Variants in PPP4R2 observed in about 807,000 individuals in gnomAD.
PPP4R2 encodes serine/threonine-protein phosphatase 4 regulatory subunit 2.
A neutral mutation model predicts 47.2 loss-of-function variants in PPP4R2; 13 were observed. The observed-to-expected ratio is 0.28, with a 90% confidence interval of 0.18 to 0.44. The LOEUF is 0.44. PPP4R2 is among the 20% of genes least tolerant of loss of function. The pLI, the probability that PPP4R2 is intolerant of heterozygous loss-of-function variation, is 1.00. For synonymous variants in PPP4R2, 151 were observed against 163.3 expected, an observed-to-expected ratio of 0.92 and a Z score of 0.57; for missense variants, 421 against 491.2, an observed-to-expected ratio of 0.86 and a Z score of 1.35.
In PPP4R2 at chr3:73,032,578, T is replaced by C. The variant is rs543645273; in HGVS notation, c.117-14608T>C. 7.2e-5 allele frequency among the ~76,000 whole-genome samples: 11 copies of C among 152,302 alleles called. No homozygotes were observed. The East Asian group carries it at 7.7e-4, about 11-fold the overall frequency. ...CTGGGATTACAGGCGTGAGCCACCG[T>C]GCCCAGCCTACCTTCCTATTTCTAA... On this transcript the variant is annotated intron_variant, in intron 2 of 8. Transcript: ENST00000356692.
Position 73,005,849 on chromosome 3 carries a change from A to T in PPP4R2, c.116+7691A>T, listed in dbSNP as rs1049645505. ...CTCTGTCTGCAAAAAAAAAAAAATCAGTGTTATTGAGGTATAATTGACATA... is the reference window on the plus strand; with the variant it reads ...CTCTGTCTGCAAAAAAAAAAAAATCTGTGTTATTGAGGTATAATTGACATA... On this transcript the variant is annotated intron_variant, in intron 2 of 8. Coordinates refer to ENST00000356692, the MANE Select transcript of PPP4R2 (RefSeq NM_174907.4). Among the ~76,000 whole-genome samples the T allele has an allele frequency of 1.3e-5, 2 of 151,916 alleles. 1 individual carries two copies. The highest frequency in any genetic ancestry group is 2.9e-5 in the Non-Finnish European group (2 of 67,990).
intron 2 of PPP4R2, among the ~76,000 whole-genome samples, chr3:73,016,555 T>G (rs1263148501): frequency 2.6e-5 from 4 of 152,032 alleles, no homozygotes; most frequent in African/African-American, 9.7e-5. Context: ...CCTCTGAAAT[T>G]TAAAAAAATG....
At chr3:73,023,175 CTTTT>C (rs1701994504) in intron 2 of PPP4R2, among the ~76,000 whole-genome samples, 1 of 120,756 alleles carries the variant, frequency 8.3e-6, no homozygotes, top group African/African-American at 3.4e-5. Flanking sequence ...GGTTTCTTTT[CTTTT>C]CCTTTTTTTT....
In PPP4R2 at chr3:73,065,966, G is replaced by C. The variant is rs1289941676; in HGVS notation, c.*244G>C. The C allele has an allele frequency of 7.1e-6, 2 of 281,976 alleles. No homozygotes were observed. The highest frequency in any genetic ancestry group is 5.2e-5 in the Admixed American group (1 of 19,152). The allele number at this position is 281,976 out of a possible 1,614,324, so 17.5% of individuals were successfully genotyped here. ...CTTTTTTTGGTCTGGGCAAATCAGTGGTTTGTGTATAGATTTTTTTTTTTT... is the reference window on the plus strand; with the variant it reads ...CTTTTTTTGGTCTGGGCAAATCAGTCGTTTGTGTATAGATTTTTTTTTTTT... On this transcript the variant is annotated 3_prime_UTR_variant, in exon 9 of 9. Coordinates refer to ENST00000356692, the MANE Select transcript of PPP4R2 (RefSeq NM_174907.4).
At chr3:73,021,377 A>G (rs1701957276) in intron 2 of PPP4R2, among the ~76,000 whole-genome samples, 1 of 151,580 alleles carries the variant, frequency 6.6e-6, no homozygotes, top group African/African-American at 2.4e-5. Context: ...GGGACTACAG[A>G]TTTGCAACAC....
intron 2 of PPP4R2, among the ~76,000 whole-genome samples, chr3:73,021,889 C>CATAT (rs143996790): frequency 4.3e-3 from 168 of 38,772 alleles, no homozygotes; most frequent in East Asian, 0.038. Flanking sequence ...TGTATATATG[C>CATAT]ATATATATAT....
At chr3:73,036,156 A>T (rs1702257074) in intron 2 of PPP4R2, among the ~76,000 whole-genome samples, 1 of 152,198 alleles carries the variant, frequency 6.6e-6, no homozygotes, top group Non-Finnish European at 1.5e-5. Flanking sequence ...AGAAAGACAA[A>T]TATCACATGT....
intron 2 of PPP4R2, among the ~76,000 whole-genome samples, chr3:73,013,370 T>C (rs1040606871): frequency 1.3e-5 from 2 of 152,232 alleles, no homozygotes; most frequent in African/African-American, 2.4e-5. Context: ...GCATTTTGAG[T>C]GTAATGGATC....
intron 5 of PPP4R2, chr3:73,062,773 T>A (rs766689540): frequency 3.1e-6 from 5 of 1,613,810 alleles, no homozygotes; most frequent in Non-Finnish European, 4.2e-6. Context: ...GCTGATCTGC[T>A]AATCAGCTGC....
intron 2 of PPP4R2, among the ~76,000 whole-genome samples, chr3:72,999,871 G>A (rs923608589): frequency 1.3e-5 from 2 of 152,144 alleles, no homozygotes; most frequent in Non-Finnish European, 2.9e-5. Flanking sequence ...ATTTTATTAT[G>A]TAAATAGCAG....
chr3:73,057,545 G>A (rs1702752333), intron 3 of PPP4R2, among the ~76,000 whole-genome samples: 1 of 152,024 alleles, frequency 6.6e-6, no homozygotes, highest in African/African-American at 2.4e-5. Flanking sequence ...TCACTTTTAG[G>A]TTTGGATTCG....
rs1702118654 is a variant in PPP4R2 at position 73,028,919 on chromosome 3, C to T, written c.117-18267C>T. Among the ~76,000 whole-genome samples the T allele has an allele frequency of 2.6e-5, 4 of 152,102 alleles. No individual in the cohort carries two copies. In the South Asian group the frequency reaches 8.3e-4, roughly 32 times the overall value. ...TGTGGAGCACTGTAAAGGCTTTGGCCTTTGAGTGAAATCCAGAGCCGTCGC... is the reference window on the plus strand; with the variant it reads ...TGTGGAGCACTGTAAAGGCTTTGGCTTTTGAGTGAAATCCAGAGCCGTCGC... On this transcript the variant is annotated intron_variant, in intron 2 of 8. Coordinates refer to ENST00000356692, the MANE Select transcript of PPP4R2 (RefSeq NM_174907.4).
chr3:73,033,066 T>C (rs925955971), intron 2 of PPP4R2, among the ~76,000 whole-genome samples: 1 of 152,208 alleles, frequency 6.6e-6, no homozygotes, highest in African/African-American at 2.4e-5. Context: ...ATTAACTTTT[T>C]GTGTTGGAGT....
intron 2 of PPP4R2, among the ~76,000 whole-genome samples, chr3:73,023,315 T>A (rs1023879375): frequency 6.6e-6 from 1 of 151,918 alleles, no homozygotes; most frequent in African/African-American, 2.4e-5. Flanking sequence ...GCCTCCCGAG[T>A]AGCTCAGATT....
chr3:73,030,487 A>G (rs1702147371), intron 2 of PPP4R2, among the ~76,000 whole-genome samples: 1 of 152,156 alleles, frequency 6.6e-6, no homozygotes, highest in African/African-American at 2.4e-5. Flanking sequence ...CAGAGAATGA[A>G]ATAGACTGGG....
At position 73,056,953 on chromosome 3, in the gene PPP4R2, T is replaced by C. The variant is rs994238929; in HGVS notation, c.288-2084T>C. ...TAGACAGTATTTTTCAGTTAAGTAC[T>C]ATTTGAATACCCAAACACTTGTTGA... On this transcript the variant is annotated intron_variant, in intron 3 of 8. Coordinates refer to ENST00000356692, the MANE Select transcript of PPP4R2 (RefSeq NM_174907.4). Among the ~76,000 whole-genome samples, 9 of 152,310 alleles carry C rather than the reference T, an allele frequency of 5.9e-5. No homozygotes were observed. The South Asian group carries it at 1.7e-3, about 28-fold the overall frequency.
At chr3:73,062,982 C>T (rs1198702211) in intron 5 of PPP4R2, 17 of 1,193,788 alleles carry the variant, frequency 1.4e-5, no homozygotes, top group South Asian at 4.3e-5. Flanking sequence ...CATTGCTCTA[C>T]GGGCCATTGT....
intron 5 of PPP4R2, chr3:73,061,971 A>G (rs529221106): frequency 1.1e-5 from 8 of 697,226 alleles, no homozygotes; most frequent in Non-Finnish European, 1.9e-5. Flanking sequence ...TAAAATGTAT[A>G]CATGATAAAA....
Position 73,048,038 on chromosome 3 carries a change from G to A in PPP4R2, c.287+682G>A, listed in dbSNP as rs551746467. On this transcript the variant is annotated intron_variant, in intron 3 of 8. Transcript: ENST00000356692. ...ACTGTAGGCGCATGCCACCACACCC[G>A]GCTAATTTTTGTATTTTTAGTAGAG... Among the ~76,000 whole-genome samples the A allele has an allele frequency of 2.6e-5, 4 of 152,122 alleles. No individual in the cohort carries two copies. In the East Asian group the frequency reaches 5.8e-4, roughly 22 times the overall value.
Sources: gnomAD v4.1 joint callset for allele counts (sites outside exome capture counted in the v4.1 genomes callset) on GRCh38, gnomAD v4.1.1 for gene constraint, MANE v1.5 for transcripts, NCBI Gene and HGNC (gene_info 2026-07-23, HGNC 2026-07-21) for gene names.